Variants in NEBL observed in about 807,000 individuals in gnomAD.
The protein encoded by NEBL is nebulette.
Under a neutral mutation model 140.2 loss-of-function variants are expected in NEBL, and 122 were observed. The ratio of observed to expected loss-of-function variants is 0.87; its 90% CI spans 0.75 to 1.01. The LOEUF (loss-of-function observed/expected upper bound fraction) is 1.01. Among genes scored for constraint, NEBL ranks in the 50% least tolerant of loss-of-function variants. The pLI, the probability that NEBL is intolerant of heterozygous loss-of-function variation, is 0.00. For missense variants in NEBL, 1,365 were observed against 1,231.3 expected, an observed-to-expected ratio of 1.11 and a Z score of -1.62; for synonymous variants, 436 against 398.9, an observed-to-expected ratio of 1.09 and a Z score of -1.11.
At position 21,255,808 on chromosome 10, in the gene NEBL, C is replaced by T. The variant is rs111790057; in HGVS notation, n.183-3980G>A. Among the ~76,000 whole-genome samples the T allele has an allele frequency of 5.5e-3, 833 of 151,958 alleles. 12 individuals carry two copies. Among genetic ancestry groups the T allele is most frequent in the African/African-American group, 0.019 (768 of 41,476 alleles). ...GTCAGGAGATCGAGACCAGCCTGGC[C>T]AACATGGTGAAACCCCATCTCTACT... is the stretch of plus-strand genomic sequence containing the variant. On this transcript the variant is annotated intron_variant and non_coding_transcript_variant, in intron 1 of 8. Transcript: ENST00000675702.
chr10:20,794,914 C>A (rs998294621), intron 26 of NEBL, among the ~76,000 whole-genome samples: 1 of 152,094 alleles, frequency 6.6e-6, no homozygotes, highest in Non-Finnish European at 1.5e-5. Context: ...TAACTGTCAC[C>A]ACAATCTTCT....
intron 3 of NEBL, among the ~76,000 whole-genome samples, chr10:21,016,851 C>T (rs189394062): frequency 9.4e-4 from 143 of 152,282 alleles, no homozygotes; most frequent in African/African-American, 3.2e-3. Context: ...AGGATAGATA[C>T]CTACCCACGT....
intron 1 of NEBL, among the ~76,000 whole-genome samples, chr10:21,255,160 TGA>T (rs1415863573): frequency 6.6e-6 from 1 of 152,112 alleles, no homozygotes; most frequent in Non-Finnish European, 1.5e-5. Context: ...CAGGCTACCC[TGA>T]GAGTTTAAGA....
chr10:20,784,335 A>T lies in NEBL; in HGVS notation c.*1412T>A, dbSNP rs1313743596. ...GACTGCAGACTCTGGATGAAATTTC[A>T]AGACCCACCAGCAAGGGCTAGCATA... is the stretch of plus-strand genomic sequence containing the variant. On this transcript the variant is annotated 3_prime_UTR_variant, in exon 28 of 28. Transcript: ENST00000377122. 4.4e-5 allele frequency: 6 copies of T among 137,472 alleles called. No individual in the cohort carries two copies. The highest frequency in any genetic ancestry group is 1.5e-4 in the African/African-American group (5 of 34,144). The allele number at this position is 137,472 out of a possible 1,614,324, so 8.5% of individuals were successfully genotyped here.
intron 2 of NEBL, among the ~76,000 whole-genome samples, chr10:20,890,204 C>T (rs547313193): frequency 3.3e-5 from 5 of 152,248 alleles, no homozygotes; most frequent in South Asian, 2.1e-4. Flanking sequence ...GTGCTGGCTA[C>T]GGGTGATGGG....
At chr10:20,808,409 G>T in intron 26 of NEBL, 101 bp downstream of exon 26, 1 of 1,209,534 alleles carries the variant, frequency 8.3e-7, no homozygotes, top group Non-Finnish European at 1.2e-6. Flanking sequence ...AATACAGCCA[G>T]GATAGATGTT....
chr10:20,952,298 G>A (rs556613381), intron 4 of NEBL, among the ~76,000 whole-genome samples: 60 of 151,988 alleles, frequency 3.9e-4, no homozygotes, highest in African/African-American at 1.2e-3. Context: ...TTAGCTGGGC[G>A]TGGTGCCAGG....
At chr10:21,260,464 C>T (rs1235205505) in intron 1 of NEBL, among the ~76,000 whole-genome samples, 1 of 152,144 alleles carries the variant, frequency 6.6e-6, no homozygotes, top group African/African-American at 2.4e-5. Flanking sequence ...AGATAATTTC[C>T]TCTTTTTCTT....
At chr10:21,169,062 AAAAAAATATATATATATAT>A (rs1156292928) in intron 2 of NEBL, among the ~76,000 whole-genome samples, 5 of 57,646 alleles carry the variant, frequency 8.7e-5, no homozygotes, top group African/African-American at 3.4e-4. Flanking sequence ...AAAAAAAAAA[AAAAAAATATATATATATAT>A]ATATATATAT....
At chr10:20,788,651 C>T (rs990414259) in intron 26 of NEBL, among the ~76,000 whole-genome samples, 3 of 152,100 alleles carry the variant, frequency 2.0e-5, no homozygotes, top group African/African-American at 7.2e-5. Flanking sequence ...GAGAAACTGC[C>T]AAGATCTCCA....
At chr10:20,884,223 GA>G (rs2131338067) in intron 4 of NEBL, among the ~76,000 whole-genome samples, 1 of 152,184 alleles carries the variant, frequency 6.6e-6, no homozygotes, top group East Asian at 1.9e-4. Context: ...TTCACTTATA[GA>G]TTTTTTTGGC....
intron 2 of NEBL, among the ~76,000 whole-genome samples, chr10:21,021,339 CGTCACTCCCCTGA>C (rs1308463536): frequency 1.3e-5 from 2 of 152,176 alleles, no homozygotes; most frequent in Admixed American, 6.5e-5. Flanking sequence ...AATCTGATCA[CGTCACTCCCCTGA>C]GTAAAACCTT....
intron 2 of NEBL, among the ~76,000 whole-genome samples, chr10:21,061,303 T>TTATGTGATATGTAACATGTTACA (rs1835277164): frequency 1.4e-5 from 2 of 142,926 alleles, no homozygotes; most frequent in South Asian, 4.4e-4. Flanking sequence ...ATATTACATA[T>TTATGTGATATGTAACATGTTACA]TATGTGATAT....
intron 2 of NEBL, among the ~76,000 whole-genome samples, chr10:21,035,144 C>T (rs1285878860): frequency 6.6e-6 from 1 of 151,966 alleles, no homozygotes; most frequent in Non-Finnish European, 1.5e-5. Flanking sequence ...ATTGCAGGCG[C>T]CTGCCACCAC....
chr10:20,895,053 C>G (rs925079680), intron 2 of NEBL, among the ~76,000 whole-genome samples: 2 of 151,738 alleles, frequency 1.3e-5, no homozygotes, highest in South Asian at 4.2e-4. Flanking sequence ...ATTTTACCTA[C>G]GTGGGTGTGA....
chr10:20,830,210 T>C (rs1227559673), intron 16 of NEBL, among the ~76,000 whole-genome samples: 4 of 152,224 alleles, frequency 2.6e-5, no homozygotes, highest in Admixed American at 2.6e-4. Flanking sequence ...TCCTTGCTTA[T>C]GTCTTAATCA....
chr10:21,232,021 TATG>T (rs1416774514), intron 3 of NEBL, among the ~76,000 whole-genome samples: 1 of 152,126 alleles, frequency 6.6e-6, no homozygotes, highest in African/African-American at 2.4e-5. Flanking sequence ...TTCATGACAA[TATG>T]ATATCAAATT....
intron 3 of NEBL, among the ~76,000 whole-genome samples, chr10:21,200,565 C>T (rs192233617): frequency 6.6e-6 from 1 of 152,244 alleles, no homozygotes; most frequent in African/African-American, 2.4e-5. Context: ...CCACCTGCCT[C>T]GGCCTCCCAA....
intron 2 of NEBL, among the ~76,000 whole-genome samples, chr10:21,152,229 T>C (rs964803043): frequency 1.3e-5 from 2 of 152,188 alleles, no homozygotes; most frequent in Admixed American, 6.5e-5. Context: ...TTCGTGCTCA[T>C]CTGTCTGGCC....
Sources: allele counts gnomAD v4.1 joint callset (sites outside exome capture counted in the v4.1 genomes callset), GRCh38; gene constraint gnomAD v4.1.1; transcripts MANE v1.5; gene names NCBI Gene and HGNC (gene_info 2026-07-23, HGNC 2026-07-21).